MGAM2: variants seen among roughly 807,000 people sequenced by gnomAD.
The protein encoded by MGAM2 is probable maltase-glucoamylase 2.
In MGAM2, 98 loss-of-function variants were observed where a neutral mutation model predicts 96.1. The observed-to-expected ratio is 1.02, with a 90% CI of 0.87 to 1.21. The LOEUF (loss-of-function observed/expected upper bound fraction) is 1.21. Ranked by LOEUF, MGAM2 falls within the 50% of genes most tolerant of loss-of-function variation. The probability of loss-of-function intolerance (pLI) is 0.00; values close to 1 mark genes in which losing one functional copy is unlikely to be tolerated. For missense variants in MGAM2, 2,055 were observed against 1,182.4 expected (o/e 1.74, Z -10.82); for synonymous variants, 749 against 414.8 (o/e 1.81, Z -9.79).
At chr7:142,130,813 GAACA>G in intron 3 of MGAM2, 131 bp from the exon 4 acceptor site, 1 of 585,878 alleles carries the variant, frequency 1.7e-6, no homozygotes. Context: ...AATAAATAAA[GAACA>G]AATAAATTAA....
At chr7:142,154,245 AAT>A in intron 16 of MGAM2, 56 bp downstream of exon 16, 6 of 532,946 alleles carry the variant, frequency 1.1e-5, no homozygotes, top group Admixed American at 2.9e-5. Context: ...ACATTCTTTT[AAT>A]TAGCAGTCTT....
chr7:142,170,868 G>T (rs1235547555), intron 27 of MGAM2, among the ~76,000 whole-genome samples: 1 of 152,130 alleles, frequency 6.6e-6, no homozygotes, highest in African/African-American at 2.4e-5. Context: ...GCCCTCTTTG[G>T]TAAGAAGTCC....
rs1210139370 is a variant in MGAM2, at chr7:142,153,855, GGAAAGAA to G, written c.1635-161_1635-155del. ...AGATCTGAAATCTTACCCCAAAATG[GGAAAGAA>G]GCTCTTAGATAGTACTAAGTTTATG... On this transcript the variant is annotated intron_variant, in intron 15 of 47. Coordinates refer to ENST00000477922, the MANE Select transcript of MGAM2 (RefSeq NM_001293626.2). Among the ~76,000 whole-genome samples, 24 of 152,260 alleles carry G rather than the reference GGAAAGAA, an allele frequency of 1.6e-4. 2 individuals carry two copies. Among genetic ancestry groups the G allele is most frequent in the South Asian group, 1.2e-3 (6 of 4,820 alleles).
At chr7:142,171,509 A>G (rs1796183866) in intron 28 of MGAM2, 69 bp downstream of exon 28, 2 of 663,706 alleles carry the variant, frequency 3.0e-6, no homozygotes, top group African/African-American at 1.8e-5. Flanking sequence ...CCTTATGCTT[A>G]TATATGATAC....
intron 14 of MGAM2, 76 bp downstream of exon 14, chr7:142,145,021 G>A (rs1360968931): frequency 2.2e-5 from 15 of 672,708 alleles, no homozygotes; most frequent in Middle Eastern, 2.4e-4. Flanking sequence ...CAGTGTGGTC[G>A]GGAGCAATTT....
chr7:142,198,392 C>G (rs1441304447), intron 43 of MGAM2, among the ~76,000 whole-genome samples, 197 bp downstream of exon 43: 1 of 152,148 alleles, frequency 6.6e-6, no homozygotes, highest in Non-Finnish European at 1.5e-5. Flanking sequence ...GAAGCTCCCC[C>G]CTCACCCTTG....
chr7:142,177,720 G>A (rs923484742), intron 32 of MGAM2, among the ~76,000 whole-genome samples: 1 of 152,118 alleles, frequency 6.6e-6, no homozygotes, highest in African/African-American at 2.4e-5. Context: ...TTATGGCTGT[G>A]TATTATTCCA....
chr7:142,112,893 T>A (rs1485097428), intron 1 of MGAM2, among the ~76,000 whole-genome samples: 1 of 152,194 alleles, frequency 6.6e-6, no homozygotes, highest in Non-Finnish European at 1.5e-5. Context: ...AGGTAAATAG[T>A]AAAGAATAGT....
intron 3 of MGAM2, among the ~76,000 whole-genome samples, chr7:142,128,013 T>A (rs1334782203): frequency 6.6e-6 from 1 of 152,136 alleles, no homozygotes; most frequent in East Asian, 1.9e-4. Context: ...GTAGGAAAGT[T>A]TGGAACTTCC....
At chr7:142,132,272 A>G (rs906605088) in intron 6 of MGAM2, among the ~76,000 whole-genome samples, 187 bp downstream of exon 6, 3 of 149,980 alleles carry the variant, frequency 2.0e-5, no homozygotes, top group Non-Finnish European at 4.4e-5. Context: ...AGAGAATACT[A>G]AAAGGTAATA....
At chr7:142,119,421 G>T (rs1278908898) in intron 2 of MGAM2, among the ~76,000 whole-genome samples, 4 of 152,102 alleles carry the variant, frequency 2.6e-5, no homozygotes, top group Non-Finnish European at 5.9e-5. Context: ...ATAAAAACAA[G>T]TGTTGTTGAG....
At chr7:142,137,216 TA>T (rs11289054) in intron 8 of MGAM2, among the ~76,000 whole-genome samples, 61,192 of 145,372 alleles carry the variant, frequency 0.42, 12,880 homozygotes, top group African/African-American at 0.54. Context: ...TTCTTTATCT[TA>T]AAAAAAAAAA....
intron 3 of MGAM2, among the ~76,000 whole-genome samples, chr7:142,128,185 T>C (rs1037359454): frequency 6.6e-6 from 1 of 152,164 alleles, no homozygotes; most frequent in Non-Finnish European, 1.5e-5. Flanking sequence ...ATTTAGGGTA[T>C]CTGGCAGAAG....
At chr7:142,117,598 A>G (rs192801366) in intron 2 of MGAM2, among the ~76,000 whole-genome samples, 2 of 152,310 alleles carry the variant, frequency 1.3e-5, no homozygotes, top group Admixed American at 1.3e-4. Context: ...CACTTTACAG[A>G]TGTGAATTGA....
chr7:142,213,935 A>C (rs926934149), intron 46 of MGAM2, among the ~76,000 whole-genome samples: 1 of 152,210 alleles, frequency 6.6e-6, no homozygotes, highest in African/African-American at 2.4e-5. Flanking sequence ...TGGCAAACCG[A>C]ATCCAGCAGC....
At chr7:142,192,818 T>C (rs909582733) in intron 37 of MGAM2, among the ~76,000 whole-genome samples, 2 of 152,192 alleles carry the variant, frequency 1.3e-5, no homozygotes, top group African/African-American at 4.8e-5. Flanking sequence ...TTATTTTTTA[T>C]CTTCTTCCTC....
intron 23 of MGAM2, 51 bp from the exon 24 acceptor site, chr7:142,164,805 T>A (rs1056158144): frequency 1.6e-6 from 1 of 618,574 alleles, no homozygotes; most frequent in South Asian, 2.0e-5. Context: ...TTGGGGATAA[T>A]AAGGGTCTGA....
At chr7:142,175,826 A>G (rs1294882668) in intron 32 of MGAM2, 46 bp downstream of exon 32, 13 of 691,400 alleles carry the variant, frequency 1.9e-5, no homozygotes, top group Non-Finnish European at 2.6e-5. Context: ...TTCCATATTC[A>G]TGGTTCAAAA....
chr7:142,170,788 CTG>C (rs1796161279), intron 27 of MGAM2, among the ~76,000 whole-genome samples: 1 of 152,152 alleles, frequency 6.6e-6, no homozygotes, highest in Non-Finnish European at 1.5e-5. Context: ...AAGCTGTCAC[CTG>C]TGTGTGCACC....
Sources: gnomAD v4.1 joint callset for allele counts (sites outside exome capture counted in the v4.1 genomes callset) on GRCh38, gnomAD v4.1.1 for gene constraint, MANE v1.5 for transcripts, NCBI Gene and HGNC (gene_info 2026-07-23, HGNC 2026-07-21) for gene names.